The following TRIM49 variants were observed in gnomAD, a reference collection of about 807,000 sequenced individuals.
The protein encoded by TRIM49 is tripartite motif containing 49.
A neutral mutation model predicts 27.4 loss-of-function variants in TRIM49; 5 were observed. The ratio of observed to expected loss-of-function variants is 0.18; its 90% CI spans 0.10 to 0.38. The LOEUF is 0.38. TRIM49 is among the 10% of genes least tolerant of loss of function. The pLI, the probability that TRIM49 is intolerant of heterozygous loss-of-function variation, is 1.00. For synonymous variants in TRIM49, 69 were observed against 166.0 expected, an observed-to-expected ratio of 0.42 and a Z score of 4.49; for missense variants, 188 against 487.5, an observed-to-expected ratio of 0.39 and a Z score of 5.79.
rs769980650 is a variant in TRIM49, at chr11:89,798,661, A to T, written c.860-32T>A. 10 of 1,487,602 alleles carry T rather than the reference A, an allele frequency of 6.7e-6. 1 individual carries two copies. The highest frequency in any genetic ancestry group is 7.1e-6 in the Non-Finnish European group (8 of 1,133,966). 92.2% of individuals were successfully genotyped at this position (1,487,602 alleles called of 1,614,324 possible). On this transcript the variant is annotated intron_variant, in intron 7 of 7. Coordinates refer to ENST00000329758, the MANE Select transcript of TRIM49 (RefSeq NM_020358.2). ...AAAAAAAAAAAAAGAAAACATGCAT[A>T]GACATGTGTAAATAAGAAAAAAATA...
At chr11:89,766,729 G>A in the TRIM49 span, 45 of 1,533,006 alleles carry the variant, frequency 2.9e-5, 3 homozygotes, top group East Asian at 4.9e-5. Flanking sequence ...ACACCAACTC[G>A]GCCCAGAGGT....
chr11:89,786,056 CAA>C, the TRIM49 span: 1 of 108,136 alleles, frequency 9.2e-6, no homozygotes, highest in African/African-American at 4.4e-5. Context: ...GCACTGAATT[CAA>C]AGAGTTCCAG....
chr11:89,774,361 A>G, the TRIM49 span, among the ~76,000 whole-genome samples: 2 of 150,994 alleles, frequency 1.3e-5, no homozygotes, highest in African/African-American at 2.5e-5. Context: ...GTCTCATTCC[A>G]AACTTGTCTG....
chr11:89,783,971 G>A, the TRIM49 span, among the ~76,000 whole-genome samples: 1 of 142,918 alleles, frequency 7.0e-6, no homozygotes, highest in Non-Finnish European at 1.5e-5. Context: ...AAAGTAGGAG[G>A]GACAAGAGTA....
the TRIM49 span, among the ~76,000 whole-genome samples, chr11:89,772,701 A>G: frequency 7.4e-6 from 1 of 134,752 alleles, no homozygotes; most frequent in Non-Finnish European, 1.5e-5. Flanking sequence ...TCACAGTAGC[A>G]TAACAATTGA....
the TRIM49 span, among the ~76,000 whole-genome samples, chr11:89,791,411 C>T: frequency 2.0e-5 from 3 of 151,602 alleles, no homozygotes; most frequent in African/African-American, 7.3e-5. Flanking sequence ...AGATACTCCT[C>T]AAGAAGAGCA....
chr11:89,799,725 G>C lies in TRIM49; in HGVS notation c.850C>G (p.Gln284Glu). ...PITGLRDRLN[Q>E]FRVHITLHHE... ...GTGGGTGGAGACTTACCTCGGAATT[G>C]GTTGAGCCTGTCCCTCAGTCCAGTG... The change falls in exon 7 of 8, where the codon CAA becomes GAA. Residue 284 changes from glutamine (Q) to glutamate (E), a missense_variant. Physicochemically the swap from Gln to Glu is conservative, Grantham distance 29. This residue lies in a region of TRIM49 where 14 missense variants were observed against 118.8 expected (regional missense o/e 0.12). Transcript: ENST00000329758. 7.5e-7 allele frequency: 1 copy of C among 1,326,912 alleles called. No individual in the cohort carries two copies. Among genetic ancestry groups the C allele is most frequent in the Non-Finnish European group, 1.0e-6 (1 of 969,726 alleles). The allele number at this position is 1,326,912 out of a possible 1,614,324, so 82.2% of individuals were successfully genotyped here. A position where few individuals can be genotyped will look rare whatever the true frequency, so the allele number is the denominator to read the frequency against.
intron 2 of TRIM49, among the ~76,000 whole-genome samples, chr11:89,805,669 T>C (rs867313961): frequency 6.6e-6 from 1 of 150,634 alleles, no homozygotes; most frequent in Admixed American, 6.6e-5. Flanking sequence ...CATGTATAGC[T>C]TGTGGACAGA....
the TRIM49 span, among the ~76,000 whole-genome samples, chr11:89,790,601 T>C: frequency 2.0e-5 from 3 of 151,980 alleles, no homozygotes; most frequent in Non-Finnish European, 4.4e-5. Flanking sequence ...CAATATTCAC[T>C]GTTCTGCAGC....
Position 89,798,421 on chromosome 11 carries a change from A to T in TRIM49, c.1068T>A (p.Gly356=). 1 of 1,602,970 alleles carries T rather than the reference A, an allele frequency of 6.2e-7. No individual in the cohort carries two copies. Among genetic ancestry groups the T allele is most frequent in the Non-Finnish European group, 8.5e-7 (1 of 1,177,848 alleles). The change falls in exon 8 of 8, where the codon GGT becomes GGA. Residue 356 remains glycine, a synonymous_variant. Transcript: ENST00000329758. ...HVGDSWNWAF[G]VCNMYRKEKN... ...TCTCTTTCCGATACATATTACAGAC[A>T]CCAAAAGCCCAATTCCAGGAGTCCC...
chr11:89,791,825 A>C, the TRIM49 span, among the ~76,000 whole-genome samples: 1 of 151,980 alleles, frequency 6.6e-6, no homozygotes, highest in South Asian at 2.1e-4. Flanking sequence ...CTAGGAAGAA[A>C]CTGCATCAAC....
the TRIM49 span, chr11:89,768,872 G>T: frequency 1.0e-5 from 5 of 499,204 alleles, no homozygotes; most frequent in South Asian, 7.4e-5. Flanking sequence ...GAGAGAAAAC[G>T]ACTCCTTTAG....
chr11:89,777,102 C>G, the TRIM49 span: 1 of 1,550,358 alleles, frequency 6.5e-7, no homozygotes, highest in Non-Finnish European at 8.7e-7. Flanking sequence ...GCCTCTGCCT[C>G]TGCTCAGAAG....
At chr11:89,776,919 A>G in the TRIM49 span, 2 of 1,512,512 alleles carry the variant, frequency 1.3e-6, no homozygotes, top group Non-Finnish European at 1.8e-6. Flanking sequence ...TTTCCTTTTC[A>G]TCGGGGCAAA....
the TRIM49 span, among the ~76,000 whole-genome samples, chr11:89,790,629 A>C: frequency 6.6e-6 from 1 of 151,954 alleles, no homozygotes; most frequent in Non-Finnish European, 1.5e-5. Flanking sequence ...GCTGATACCC[A>C]GGCAAACAGT....
chr11:89,791,463 G>A, the TRIM49 span, among the ~76,000 whole-genome samples: 1 of 150,892 alleles, frequency 6.6e-6, no homozygotes, highest in Non-Finnish European at 1.5e-5. Flanking sequence ...AAGTTGAAAT[G>A]AAGGAAAAAA....
chr11:89,805,716 T>A (rs957698908), intron 2 of TRIM49, among the ~76,000 whole-genome samples: 1 of 132,034 alleles, frequency 7.6e-6, no homozygotes, highest in Non-Finnish European at 1.5e-5. Context: ...GTTTTTAGTT[T>A]TTTTTTGTTT....
At chr11:89,792,199 T>C in the TRIM49 span, among the ~76,000 whole-genome samples, 3 of 151,922 alleles carry the variant, frequency 2.0e-5, no homozygotes, top group African/African-American at 4.8e-5. Context: ...GCTAACTATC[T>C]TAAATATATA....
intron 4 of TRIM49, among the ~76,000 whole-genome samples, chr11:89,803,184 G>A (rs12360664): frequency 0.26 from 36,097 of 139,780 alleles, 3,800 homozygotes; most frequent in Middle Eastern, 0.37. Flanking sequence ...TTTTCTCATC[G>A]TATGTTATGT....
Sources: gnomAD v4.1 joint callset for allele counts (sites outside exome capture counted in the v4.1 genomes callset) on GRCh38, gnomAD v4.1.1 for gene constraint, gnomAD v4.1.1 regional missense constraint, MANE v1.5 for transcripts, NCBI Gene and HGNC (gene_info 2026-07-23, HGNC 2026-07-21) for gene names.